The following EEF1A2 variants were observed in gnomAD, a reference collection of about 807,000 sequenced individuals.
EEF1A2 encodes the protein eukaryotic translation elongation factor 1 alpha 2.
In EEF1A2, 5 loss-of-function variants were observed where a neutral mutation model predicts 39.3. The observed-to-expected ratio is 0.13, with a 90% confidence interval of 0.07 to 0.27. The LOEUF is 0.27. Ranked by LOEUF, EEF1A2 falls within the 10% of genes least tolerant of loss-of-function variation. The pLI is 1.00. For missense variants in EEF1A2, 218 were observed against 681.4 expected (o/e 0.32, Z 7.57); for synonymous variants, 287 against 293.7 (o/e 0.98, Z 0.23).
At chr20:63,492,185 GAT>G (rs1374873030) in intron 5 of EEF1A2, among the ~76,000 whole-genome samples, 2 of 148,144 alleles carry the variant, frequency 1.4e-5, no homozygotes, top group Non-Finnish European at 3.0e-5. Flanking sequence ...TAGGTGGGTG[GAT>G]AGATGGATGG....
intron 5 of EEF1A2, among the ~76,000 whole-genome samples, chr20:63,491,432 G>A (rs1465154584): frequency 1.3e-5 from 2 of 152,224 alleles, no homozygotes; most frequent in South Asian, 4.1e-4. Context: ...TGTGAGGGAG[G>A]CCTGTTGTAG....
chr20:63,492,125 GAT>G (rs1568995835), intron 5 of EEF1A2, among the ~76,000 whole-genome samples: 2 of 125,856 alleles, frequency 1.6e-5, no homozygotes, highest in East Asian at 2.3e-4. Flanking sequence ...TGGATGGATG[GAT>G]GGGGAAGTGG....
At chr20:63,493,694 G>A (rs753796950) in intron 4 of EEF1A2, among the ~76,000 whole-genome samples, 101 of 152,194 alleles carry the variant, frequency 6.6e-4, no homozygotes, top group Admixed American at 3.9e-4. Flanking sequence ...GAGGAGCCTC[G>A]CCCCACCCTA....
At chr20:63,495,826 C>T (rs372672768) in intron 3 of EEF1A2, 30 bp downstream of exon 3, 4 of 1,608,820 alleles carry the variant, frequency 2.5e-6, no homozygotes, top group African/African-American at 1.3e-5. Context: ...GCGGCCTCTC[C>T]CCCAGCCCCG....
Position 63,495,845 on chromosome 20 carries a change from G to A in EEF1A2, c.324+11C>T. On this transcript the variant is annotated intron_variant, in intron 3 of 7. Coordinates refer to ENST00000217182, the MANE Select transcript of EEF1A2 (RefSeq NM_001958.5). ...CCTCTCCCCCAGCCCCGCCTGCTGT[G>A]CCCTGCTCACCTGGGATGTACCCGT... 1 of 1,612,380 alleles carries A rather than the reference G, an allele frequency of 6.2e-7. No individual in the cohort carries two copies. Among genetic ancestry groups the A allele is most frequent in the Non-Finnish European group, 8.5e-7 (1 of 1,179,696 alleles).
In EEF1A2 at chr20:63,488,687, C is replaced by T. The variant is rs1568994413; in HGVS notation, c.1264+231G>A. On this transcript the variant is annotated intron_variant, in intron 7 of 7. Transcript: ENST00000217182. ...CGGGCCTTCCTCACTCGCGGGGCCT[C>T]CCTCACTTTCGGGGCCTCGTCTGCA... Among the ~76,000 whole-genome samples, 6 of 152,344 alleles carry T rather than the reference C, an allele frequency of 3.9e-5. No homozygotes were observed. The South Asian group carries it at 1.0e-3, about 26-fold the overall frequency.
chr20:63,492,212 A>G (rs1202650038), intron 5 of EEF1A2, among the ~76,000 whole-genome samples: 2 of 20,120 alleles, frequency 9.9e-5, no homozygotes, highest in Middle Eastern at 0.02. Flanking sequence ...ATGGATGGAT[A>G]AATGGATGGA....
chr20:63,488,443 G>A lies in EEF1A2; in HGVS notation c.1265-18C>T. ...GAAGCGGCCTGGGGGGCGGGGGGCG[G>A]CGTGTGGGCGGGGCCGGAGGACTTG... On this transcript the variant is annotated intron_variant, in intron 7 of 7. Coordinates refer to ENST00000217182, the MANE Select transcript of EEF1A2 (RefSeq NM_001958.5). 7.0e-7 allele frequency: 1 copy of A among 1,423,730 alleles called. No individual in the cohort carries two copies. The highest frequency in any genetic ancestry group is 2.9e-5 in the Admixed American group (1 of 34,856). The allele number at this position is 1,423,730 out of a possible 1,614,324, so 88.2% of individuals were successfully genotyped here.
At position 63,497,367 on chromosome 20, in the gene EEF1A2, C is replaced by T; in HGVS notation, c.144+253G>A. The T allele has an allele frequency of 2.2e-6, 1 of 462,954 alleles. No individual in the cohort carries two copies. Among genetic ancestry groups the T allele is most frequent in the Non-Finnish European group, 3.8e-6 (1 of 265,318 alleles). 28.7% of individuals were successfully genotyped at this position (462,954 alleles called of 1,614,324 possible). On this transcript the variant is annotated intron_variant, in intron 2 of 7. Coordinates refer to ENST00000217182, the MANE Select transcript of EEF1A2 (RefSeq NM_001958.5). This position sits in a 1 kb window ranked among gnomAD's most constrained non-coding sequence, Gnocchi z 7.3. ...AGTTCCAGAGCCTTCTGCAGACCCT[C>T]CCAGGTCACCTCCCTCACCACAGGG...
chr20:63,493,490 A>G (rs930749177), intron 4 of EEF1A2, among the ~76,000 whole-genome samples: 4 of 152,076 alleles, frequency 2.6e-5, no homozygotes, highest in Non-Finnish European at 5.9e-5. Flanking sequence ...TCCCTCTTAA[A>G]AGGAGGAGGA....
chr20:63,495,486 T>A (rs1310211588), intron 3 of EEF1A2, among the ~76,000 whole-genome samples: 1 of 152,172 alleles, frequency 6.6e-6, no homozygotes, highest in East Asian at 1.9e-4. Context: ...TGCGTCTCTG[T>A]GAGTGCCCTG....
rs1445853446 is a variant in EEF1A2, at chr20:63,494,932, T to C, written c.494A>G (p.Lys165Arg). Residue 165 changes from lysine (K) to arginine (R), a missense_variant, in exon 4 of 8, where the codon AAG becomes AGG. Physicochemically the swap from Lys to Arg is conservative, Grantham distance 26 (BLOSUM62 2). Transcript: ENST00000217182. ...MDSTEPAYSE[K>R]RYDEIVKEVS... is the part of the protein sequence containing the mutation. Reference sequence around the variant, plus strand: ...TTCCTTGACGATCTCGTCGTAGCGCTTCTCGCTGTAGGCCGGCTCTGTGGA... The same window carrying C: ...TTCCTTGACGATCTCGTCGTAGCGCCTCTCGCTGTAGGCCGGCTCTGTGGA... The C allele has an allele frequency of 1.2e-6, 2 of 1,612,694 alleles. No individual in the cohort carries two copies. Among genetic ancestry groups the C allele is most frequent in the Non-Finnish European group, 1.7e-6 (2 of 1,179,988 alleles).
Position 63,495,848 on chromosome 20 carries a change from C to G in EEF1A2, c.324+8G>C, listed in dbSNP as rs1402135363. On this transcript the variant is annotated splice_region_variant and intron_variant, in intron 3 of 7. Transcript: ENST00000217182. ...CTCCCCCAGCCCCGCCTGCTGTGCCCTGCTCACCTGGGATGTACCCGTGAT... is the reference window on the plus strand; with the variant it reads ...CTCCCCCAGCCCCGCCTGCTGTGCCGTGCTCACCTGGGATGTACCCGTGAT... 2.5e-6 allele frequency: 4 copies of G among 1,612,536 alleles called. No homozygotes were observed. The highest frequency in any genetic ancestry group is 1.7e-4 in the Middle Eastern group (1 of 6,052).
chr20:63,491,419 G>A (rs2082378144), intron 5 of EEF1A2, among the ~76,000 whole-genome samples: 1 of 152,232 alleles, frequency 6.6e-6, no homozygotes, highest in Admixed American at 6.5e-5. Flanking sequence ...CACCTCCCAG[G>A]GCTGTGAGGG....
At chr20:63,489,309 C>T (rs2082367729) in intron 6 of EEF1A2, among the ~76,000 whole-genome samples, 157 bp from the exon 7 acceptor site, 1 of 152,228 alleles carries the variant, frequency 6.6e-6, no homozygotes, top group South Asian at 2.1e-4. Context: ...GGACCCAGCC[C>T]CCAGACCTGA....
In EEF1A2 at chr20:63,488,560, G is replaced by A. The variant is rs2082363723; in HGVS notation, c.1265-135C>T. 6.6e-6 allele frequency: 8 copies of A among 1,214,124 alleles called. No homozygotes were observed. In the South Asian group the frequency reaches 1.5e-4, roughly 23 times the overall value. 75.2% of individuals were successfully genotyped at this position (1,214,124 alleles called of 1,614,324 possible). ...CGCTTAGCGCAGAGCGCGCCCCTGT[G>A]AAGACGGCCGGCCTCGCGGGAGTCC... is the stretch of plus-strand genomic sequence containing the variant. On this transcript the variant is annotated intron_variant, in intron 7 of 7. Transcript: ENST00000217182.
chr20:63,489,581 G>C (rs543562334), intron 6 of EEF1A2, among the ~76,000 whole-genome samples: 1 of 152,250 alleles, frequency 6.6e-6, no homozygotes, highest in South Asian at 2.1e-4. Context: ...TCAGGAGTTC[G>C]AGACCGGCCT....
chr20:63,490,774 G>C, intron 5 of EEF1A2, 39 bp from the exon 6 acceptor site: 1 of 1,572,190 alleles, frequency 6.4e-7, no homozygotes, highest in Non-Finnish European at 8.6e-7. Context: ...GGTGGGGCCC[G>C]AGGGGATGCT....
intron 7 of EEF1A2, 68 bp from the exon 8 acceptor site, chr20:63,488,493 G>C: frequency 7.6e-7 from 1 of 1,319,402 alleles, no homozygotes; most frequent in Non-Finnish European, 9.7e-7. Context: ...CAGGGCTCTG[G>C]CCGGGCGGGG....
Sources: gnomAD v4.1 joint callset for allele counts (sites outside exome capture counted in the v4.1 genomes callset) on GRCh38, gnomAD v4.1.1 for gene constraint, Gnocchi (gnomAD v3.1) non-coding constraint, MANE v1.5 for transcripts, NCBI Gene and HGNC (gene_info 2026-07-23, HGNC 2026-07-21) for gene names.